The following ROBO2 variants were observed in gnomAD, a reference collection of about 807,000 sequenced individuals.
ROBO2 encodes roundabout homolog 2.
A neutral mutation model predicts 160.8 loss-of-function variants in ROBO2; 53 were observed. That is an observed-to-expected ratio of 0.33 (90% CI 0.26 to 0.41). The LOEUF (loss-of-function observed/expected upper bound fraction) is 0.41. ROBO2 is among the 10% of genes least tolerant of loss of function. ROBO2 has a pLI of 1.00. For synonymous variants in ROBO2, 664 were observed against 611.7 expected, an observed-to-expected ratio of 1.09 and a Z score of -1.26; for missense variants, 1,577 against 1,722.4, an observed-to-expected ratio of 0.92 and a Z score of 1.49.
chr3:77,562,366 A>G (rs1290707620), intron 9 of ROBO2, among the ~76,000 whole-genome samples: 1 of 152,122 alleles, frequency 6.6e-6, no homozygotes. Context: ...AGGTAAGAGT[A>G]TTATCACAGA....
intron 1 of ROBO2, among the ~76,000 whole-genome samples, chr3:77,046,335 C>G (rs2064666395): frequency 6.6e-6 from 1 of 152,050 alleles, no homozygotes; most frequent in African/African-American, 2.4e-5. Flanking sequence ...GTCTCAAATC[C>G]CCAATAGTCC....
intron 2 of ROBO2, among the ~76,000 whole-genome samples, chr3:76,771,114 C>G (rs1325377049): frequency 6.6e-6 from 1 of 151,202 alleles, no homozygotes; most frequent in African/African-American, 2.4e-5. Context: ...ACCCAGTATT[C>G]AAAAGACCGT....
chr3:76,185,211 T>TATATATATATATATATATATAC (rs1559621657), intron 2 of ROBO2, among the ~76,000 whole-genome samples: 3 of 107,894 alleles, frequency 2.8e-5, no homozygotes, highest in African/African-American at 9.3e-5. Context: ...TATATATATA[T>TATATATATATATATATATATAC]ATATACACAC....
chr3:76,598,267 G>C (rs1488103260), intron 2 of ROBO2, among the ~76,000 whole-genome samples: 1 of 152,054 alleles, frequency 6.6e-6, no homozygotes, highest in Non-Finnish European at 1.5e-5. Flanking sequence ...AGTGCTTAGG[G>C]ATGGGAAGGA....
At chr3:76,850,967 C>T (rs929694310) in intron 2 of ROBO2, among the ~76,000 whole-genome samples, 1 of 152,138 alleles carries the variant, frequency 6.6e-6, no homozygotes, top group African/African-American at 2.4e-5. Flanking sequence ...AGAGTCCCTT[C>T]CAAAGCTAAC....
At chr3:76,081,128 T>A (rs546940620) in intron 2 of ROBO2, among the ~76,000 whole-genome samples, 1 of 149,488 alleles carries the variant, frequency 6.7e-6, no homozygotes, top group Non-Finnish European at 1.5e-5. Flanking sequence ...AAAATTAGTG[T>A]TTTATAGTTT....
intron 2 of ROBO2, among the ~76,000 whole-genome samples, chr3:76,996,390 C>T (rs1206956749): frequency 6.6e-6 from 1 of 152,100 alleles, no homozygotes; most frequent in Non-Finnish European, 1.5e-5. Flanking sequence ...TAGCTTGATG[C>T]CTCCAGCTTT....
chr3:77,065,439 T>A (rs2066741353), intron 1 of ROBO2, among the ~76,000 whole-genome samples: 1 of 152,208 alleles, frequency 6.6e-6, no homozygotes, highest in Non-Finnish European at 1.5e-5. Context: ...ATTTTTTGTA[T>A]CTAAACCCAA....
chr3:76,025,336 A>C (rs2066708179), intron 2 of ROBO2, among the ~76,000 whole-genome samples: 1 of 151,680 alleles, frequency 6.6e-6, no homozygotes, highest in African/African-American at 2.4e-5. Context: ...CCTCACAATT[A>C]TCCTTATTGG....
chr3:76,073,859 C>G (rs1435086844), intron 2 of ROBO2, among the ~76,000 whole-genome samples: 1 of 151,952 alleles, frequency 6.6e-6, no homozygotes, highest in Non-Finnish European at 1.5e-5. Flanking sequence ...ACAAGGGTTC[C>G]CTTTTAAAAA....
intron 2 of ROBO2, among the ~76,000 whole-genome samples, chr3:76,856,066 C>T (rs1182964335): frequency 6.6e-6 from 1 of 152,160 alleles, no homozygotes; most frequent in Admixed American, 6.5e-5. Context: ...GCTGTTGGCA[C>T]AGAAGCCCCA....
chr3:77,627,554 G>A (rs1246602528), intron 23 of ROBO2, among the ~76,000 whole-genome samples: 1 of 152,108 alleles, frequency 6.6e-6, no homozygotes, highest in Non-Finnish European at 1.5e-5. Flanking sequence ...CAGAGTGCTG[G>A]GATTACAGAT....
At chr3:77,098,247 C>G in exon 2 of ROBO2, 1 of 1,614,090 alleles carries the variant, frequency 6.2e-7, no homozygotes, top group Non-Finnish European at 8.5e-7. Context: ...CGTGCACGGG[C>G]GCAGGAGTAA....
intron 2 of ROBO2, among the ~76,000 whole-genome samples, chr3:76,389,343 CCA>C (rs1293208174): frequency 1.3e-5 from 2 of 152,140 alleles, no homozygotes; most frequent in African/African-American, 2.4e-5. Context: ...CAAAGAATTT[CCA>C]CACAGCAAGA....
At chr3:76,430,415 C>T (rs2076390279) in intron 2 of ROBO2, among the ~76,000 whole-genome samples, 1 of 152,124 alleles carries the variant, frequency 6.6e-6, no homozygotes, top group Non-Finnish European at 1.5e-5. Flanking sequence ...AAGTATCTCA[C>T]AAATGCCAGC....
intron 5 of ROBO2, among the ~76,000 whole-genome samples, chr3:77,519,217 A>T (rs1194393072): frequency 6.6e-6 from 1 of 151,452 alleles, no homozygotes; most frequent in Non-Finnish European, 1.5e-5. Flanking sequence ...AAACAAACAA[A>T]CAAAATCTTA....
chr3:76,812,692 T>C (rs1231642355), intron 2 of ROBO2, among the ~76,000 whole-genome samples: 2 of 152,048 alleles, frequency 1.3e-5, no homozygotes, highest in East Asian at 3.9e-4. Context: ...AACTTATAAT[T>C]AAAATAAGAC....
intron 2 of ROBO2, among the ~76,000 whole-genome samples, chr3:77,169,323 T>TTTGA (rs2079404884): frequency 6.6e-6 from 1 of 152,206 alleles, no homozygotes; most frequent in East Asian, 1.9e-4. Flanking sequence ...ATGATTAAAA[T>TTTGA]AGCCCTGTTT....
intron 2 of ROBO2, among the ~76,000 whole-genome samples, chr3:76,469,679 G>T (rs2078549898): frequency 6.6e-6 from 1 of 151,984 alleles, no homozygotes; most frequent in Non-Finnish European, 1.5e-5. Flanking sequence ...CACTGGTTCA[G>T]TTAACTACTC....
Sources: allele counts gnomAD v4.1 joint callset (sites outside exome capture counted in the v4.1 genomes callset), GRCh38; gene constraint gnomAD v4.1.1; transcripts MANE v1.5; gene names NCBI Gene and HGNC (gene_info 2026-07-23, HGNC 2026-07-21).